DPPA4: variants seen among roughly 807,000 people sequenced by gnomAD.
DPPA4 encodes the protein developmental pluripotency associated 4.
A neutral mutation model predicts 33.7 loss-of-function variants in DPPA4; 22 were observed. That is an observed-to-expected ratio of 0.65 (90% CI 0.47 to 0.93). The LOEUF is 0.93. Among genes scored for constraint, DPPA4 ranks in the 40% least tolerant of loss-of-function variants. The pLI is 0.00. For synonymous variants in DPPA4, 156 were observed against 132.3 expected, an observed-to-expected ratio of 1.18 and a Z score of -1.23; for missense variants, 340 against 358.6, an observed-to-expected ratio of 0.95 and a Z score of 0.42.
At chr3:109,329,609 T>TTG (rs1177838572) in intron 5 of DPPA4, 2 of 156,636 alleles carry the variant, frequency 1.3e-5, no homozygotes, top group Admixed American at 6.1e-5. Flanking sequence ...AGTAGTATAG[T>TTG]TGTAGGTGGG....
chr3:109,334,092 T>G, intron 1 of DPPA4, 99 bp from the exon 2 acceptor site: 1 of 1,311,800 alleles, frequency 7.6e-7, no homozygotes, highest in Non-Finnish European at 1.0e-6. Context: ...CCAACGCAGT[T>G]ACTGGACTCC....
intron 6 of DPPA4, 59 bp from the exon 7 acceptor site, chr3:109,328,083 A>G (rs1707976375): frequency 9.0e-7 from 1 of 1,116,508 alleles, no homozygotes; most frequent in Non-Finnish European, 1.4e-6. Context: ...AAAAATAGCC[A>G]AGAAACCCGC....
chr3:109,332,490 A>C (rs376944717), intron 2 of DPPA4, among the ~76,000 whole-genome samples: 1 of 152,080 alleles, frequency 6.6e-6, no homozygotes, highest in Admixed American at 6.6e-5. Flanking sequence ...TTGCCCCACT[A>C]CTGAGGTACA....
intron 5 of DPPA4, 89 bp from the exon 6 acceptor site, chr3:109,329,177 G>A (rs2107339215): frequency 8.7e-7 from 1 of 1,148,350 alleles, no homozygotes; most frequent in East Asian, 2.5e-5. Context: ...ACCCTTGATT[G>A]ACCAGCTCCA....
chr3:109,339,512 C>T (rs1395380006), upstream of DPPA4, among the ~76,000 whole-genome samples: 1 of 151,646 alleles, frequency 6.6e-6, no homozygotes. Context: ...GCCAGTAATC[C>T]CAGCACTTTG....
Position 109,327,100 on chromosome 3 carries a change from C to T in DPPA4, c.*888G>A, listed in dbSNP as rs1707952854. 1.3e-5 allele frequency: 2 copies of T among 151,992 alleles called. No homozygotes were observed. The highest frequency in any genetic ancestry group is 4.8e-5 in the African/African-American group (2 of 41,374). 9.4% of individuals were successfully genotyped at this position (151,992 alleles called of 1,614,324 possible). A position where few individuals can be genotyped will look rare whatever the true frequency, so the allele number is the denominator to read the frequency against. ...ATTATAAGTGAAATAATACAAAGTC[C>T]CTTGTGTTTTGATCCTGGAGTCAAA... On this transcript the variant is annotated 3_prime_UTR_variant, in exon 7 of 7. Coordinates refer to ENST00000335658, the MANE Select transcript of DPPA4 (RefSeq NM_018189.4).
upstream of DPPA4, among the ~76,000 whole-genome samples, chr3:109,338,533 A>G (rs575321620): frequency 1.3e-5 from 2 of 152,072 alleles, no homozygotes; most frequent in African/African-American, 4.8e-5. Flanking sequence ...TCTTTGGTTT[A>G]CTTTGTTGTT....
At chr3:109,334,993 C>A (rs765627549) in intron 1 of DPPA4, among the ~76,000 whole-genome samples, 2 of 152,094 alleles carry the variant, frequency 1.3e-5, no homozygotes, top group Non-Finnish European at 2.9e-5. Context: ...TGTGTGATTT[C>A]TTTTTCATCA....
At chr3:109,334,690 C>T (rs1708155370) in intron 1 of DPPA4, among the ~76,000 whole-genome samples, 1 of 152,110 alleles carries the variant, frequency 6.6e-6, no homozygotes, top group Non-Finnish European at 1.5e-5. Flanking sequence ...GTTTATTGCT[C>T]TTAACATAAA....
intron 5 of DPPA4, 122 bp downstream of exon 5, chr3:109,330,402 C>G: frequency 9.4e-7 from 1 of 1,066,572 alleles, no homozygotes; most frequent in East Asian, 2.4e-5. Flanking sequence ...ACTCTGTGGG[C>G]AGGGTCCAGG....
intron 1 of DPPA4, among the ~76,000 whole-genome samples, chr3:109,335,859 T>C (rs1479871571): frequency 6.6e-6 from 1 of 151,930 alleles, no homozygotes; most frequent in Non-Finnish European, 1.5e-5. Flanking sequence ...TAAATTAAAA[T>C]TTAAATATAA....
Position 109,327,881 on chromosome 3 carries a change from T to C in DPPA4, c.*107A>G. ...CCACCCCACCAGTCTGCATGGCCCATAAACAGGTGCAGAGGACCAGAGTTC... is the reference window on the plus strand; with the variant it reads ...CCACCCCACCAGTCTGCATGGCCCACAAACAGGTGCAGAGGACCAGAGTTC... On this transcript the variant is annotated 3_prime_UTR_variant, in exon 7 of 7. Coordinates refer to ENST00000335658, the MANE Select transcript of DPPA4 (RefSeq NM_018189.4). 1 of 829,574 alleles carries C rather than the reference T, an allele frequency of 1.2e-6. No individual in the cohort carries two copies. The highest frequency in any genetic ancestry group is 2.1e-6 in the Non-Finnish European group (1 of 487,744). The allele number at this position is 829,574 out of a possible 1,614,324, so 51.4% of individuals were successfully genotyped here.
chr3:109,326,619 CA>C lies in DPPA4; in HGVS notation c.*1368del, dbSNP rs1410635016. ...AGATCCCCTACTTGTAATAACAAAACAATGTTGGAAACTGTCATTAAATCAG... is the reference window on the plus strand; with the variant it reads ...AGATCCCCTACTTGTAATAACAAAACATGTTGGAAACTGTCATTAAATCAG... On this transcript the variant is annotated 3_prime_UTR_variant, in exon 7 of 7. Transcript: ENST00000335658. The C allele has an allele frequency of 6.6e-6, 1 of 151,886 alleles. No homozygotes were observed. Among genetic ancestry groups the C allele is most frequent in the Non-Finnish European group, 1.5e-5 (1 of 67,976 alleles). The allele number at this position is 151,886 out of a possible 1,614,324, so 9.4% of individuals were successfully genotyped here. A position where few individuals can be genotyped will look rare whatever the true frequency, so the allele number is the denominator to read the frequency against.
At chr3:109,337,163 G>A (rs1708231462) in intron 1 of DPPA4, among the ~76,000 whole-genome samples, 3 of 150,790 alleles carry the variant, frequency 2.0e-5, no homozygotes, top group South Asian at 2.1e-4. Flanking sequence ...GCTGCCCAAA[G>A]TGCTGGGATT....
chr3:109,337,662 A>C, upstream of DPPA4: 1 of 697,358 alleles, frequency 1.4e-6, no homozygotes, highest in Non-Finnish European at 2.5e-6. Context: ...TAAATGCTAA[A>C]ATTGCATTCT....
rs1241126165 is a variant in DPPA4, at chr3:109,331,755, G to A, written c.369C>T (p.Ala123=). The change falls in exon 4 of 7, where the codon GCC becomes GCT. Residue 123 remains alanine, a synonymous_variant. Transcript: ENST00000335658. ...TTACCTTTTGATTTGGGTAGGCAAA[G>A]GCACACAGGCGCTTATATGCATCCA... is the stretch of plus-strand genomic sequence containing the variant. ...QKLDAYKRLC[A]FAYPNQKDFP... The A allele has an allele frequency of 6.2e-7, 1 of 1,614,028 alleles. No homozygotes were observed. The highest frequency in any genetic ancestry group is 1.7e-5 in the Admixed American group (1 of 59,972).
upstream of DPPA4, among the ~76,000 whole-genome samples, chr3:109,337,950 T>C (rs1416781818): frequency 6.6e-6 from 1 of 152,164 alleles, no homozygotes; most frequent in Non-Finnish European, 1.5e-5. Flanking sequence ...AGAAAGCTAT[T>C]TTCTCGTACC....
upstream of DPPA4, among the ~76,000 whole-genome samples, chr3:109,338,184 C>T (rs1708250851): frequency 6.6e-6 from 1 of 152,160 alleles, no homozygotes; most frequent in Non-Finnish European, 1.5e-5. Flanking sequence ...CAGCCTTGTC[C>T]TCCCAAAGTG....
chr3:109,330,338 A>AAG, intron 5 of DPPA4, 186 bp downstream of exon 5: 1 of 563,370 alleles, frequency 1.8e-6, no homozygotes, highest in Non-Finnish European at 3.1e-6. Flanking sequence ...AAAAGGAAAA[A>AAG]AAAAAAAGAA....
Sources: gnomAD v4.1 joint callset for allele counts (sites outside exome capture counted in the v4.1 genomes callset) on GRCh38, gnomAD v4.1.1 for gene constraint, MANE v1.5 for transcripts, NCBI Gene and HGNC (gene_info 2026-07-23, HGNC 2026-07-21) for gene names.